The following SLC26A7 variants were observed in gnomAD, a reference collection of about 807,000 sequenced individuals.
The protein encoded by SLC26A7 is solute carrier family 26 member 7.
Under a neutral mutation model 82.5 loss-of-function variants are expected in SLC26A7, and 59 were observed. The ratio of observed to expected loss-of-function variants is 0.72; its 90% CI spans 0.58 to 0.89. SLC26A7 has a LOEUF of 0.89. SLC26A7 is among the 40% of genes least tolerant of loss of function. SLC26A7 has a pLI of 0.00. For missense variants in SLC26A7, 820 were observed against 793.0 expected, an observed-to-expected ratio of 1.03 and a Z score of -0.41; for synonymous variants, 271 against 274.3, an observed-to-expected ratio of 0.99 and a Z score of 0.12.
At chr8:91,361,081 A>G (rs1429432227) in intron 11 of SLC26A7, among the ~76,000 whole-genome samples, 1 of 152,100 alleles carries the variant, frequency 6.6e-6, no homozygotes, top group Non-Finnish European at 1.5e-5. Flanking sequence ...ATTCATTTAA[A>G]TTGTATTCTC....
chr8:91,395,262 C>CT lies in SLC26A7; in HGVS notation c.*173dup, dbSNP rs150688442. ...CATAGCAGTTGGAAAGAACTGCCAACTTTTTTTTCTCATTTTTGTTAGTAA... is the reference window on the plus strand; with the variant it reads ...CATAGCAGTTGGAAAGAACTGCCAACTTTTTTTTTCTCATTTTTGTTAGTAA... On this transcript the variant is annotated 3_prime_UTR_variant, in exon 19 of 19. Transcript: ENST00000276609. 25 of 1,387,136 alleles carry CT rather than the reference C, an allele frequency of 1.8e-5. No individual in the cohort carries two copies. Among genetic ancestry groups the CT allele is most frequent in the Middle Eastern group, 1.9e-4 (1 of 5,284 alleles). The allele number at this position is 1,387,136 out of a possible 1,614,324, so 85.9% of individuals were successfully genotyped here. A position where few individuals can be genotyped will look rare whatever the true frequency, so the allele number is the denominator to read the frequency against.
At position 91,293,053 on chromosome 8, in the gene SLC26A7, G is replaced by A. The variant is rs112452303; in HGVS notation, c.305-2478G>A. ...TTGAGACAGTGTTTTTTTAAAATATGAAATCTCATTTATTCTCTATCAAAA... is the reference window on the plus strand; with the variant it reads ...TTGAGACAGTGTTTTTTTAAAATATAAAATCTCATTTATTCTCTATCAAAA... On this transcript the variant is annotated intron_variant, in intron 3 of 18. Coordinates refer to ENST00000276609, the MANE Select transcript of SLC26A7 (RefSeq NM_052832.4). Among the ~76,000 whole-genome samples, 245 of 152,208 alleles carry A rather than the reference G, an allele frequency of 1.6e-3. 3 individuals carry two copies. Among genetic ancestry groups the A allele is most frequent in the African/African-American group, 5.8e-3 (241 of 41,544 alleles).
intron 2 of SLC26A7, among the ~76,000 whole-genome samples, chr8:91,253,795 T>C (rs1381585816): frequency 2.6e-5 from 4 of 152,126 alleles, no homozygotes; most frequent in Admixed American, 6.5e-5. Flanking sequence ...CTTTCCACAC[T>C]AGTCTGTAAG....
intron 4 of SLC26A7, among the ~76,000 whole-genome samples, chr8:91,310,628 A>G (rs577865296): frequency 8.5e-5 from 13 of 152,350 alleles, no homozygotes; most frequent in African/African-American, 3.1e-4. Context: ...ATTAAGGGGC[A>G]AAATGGCAGA....
chr8:91,227,350 A>C (rs966385082), intron 2 of SLC26A7, among the ~76,000 whole-genome samples: 2 of 152,238 alleles, frequency 1.3e-5, no homozygotes, highest in Non-Finnish European at 2.9e-5. Context: ...AAAAAAGAGA[A>C]ACTCAAGTTT....
intron 11 of SLC26A7, among the ~76,000 whole-genome samples, chr8:91,358,475 G>A (rs1168976317): frequency 1.3e-5 from 2 of 151,692 alleles, no homozygotes; most frequent in Non-Finnish European, 1.5e-5. Context: ...GACTACAGGT[G>A]CCCGCCACCA....
intron 2 of SLC26A7, among the ~76,000 whole-genome samples, chr8:91,276,254 AT>A (rs1811404197): frequency 6.6e-6 from 1 of 152,152 alleles, no homozygotes; most frequent in African/African-American, 2.4e-5. Flanking sequence ...AAGACATGCC[AT>A]TTTTTATTAG....
At chr8:91,378,763 G>A (rs1814589407) in intron 15 of SLC26A7, among the ~76,000 whole-genome samples, 1 of 151,630 alleles carries the variant, frequency 6.6e-6, no homozygotes, top group Admixed American at 6.6e-5. Context: ...ATACAGGCAG[G>A]TTTCTGTCCA....
intron 2 of SLC26A7, among the ~76,000 whole-genome samples, chr8:91,288,273 A>G (rs972824517): frequency 1.3e-5 from 2 of 152,316 alleles, no homozygotes; most frequent in African/African-American, 2.4e-5. Flanking sequence ...TGTAACATGT[A>G]AAGTCCTTTA....
intron 2 of SLC26A7, among the ~76,000 whole-genome samples, chr8:91,283,010 T>A (rs896942180): frequency 5.3e-5 from 8 of 152,190 alleles, no homozygotes; most frequent in Admixed American, 1.3e-4. Flanking sequence ...CCCCCTTTAT[T>A]GTTTAGTTAT....
At chr8:91,349,689 G>A (rs938610958) in intron 9 of SLC26A7, among the ~76,000 whole-genome samples, 2 of 152,050 alleles carry the variant, frequency 1.3e-5, no homozygotes, top group Non-Finnish European at 1.5e-5. Flanking sequence ...CCAAGTAATT[G>A]CAACTGCATG....
chr8:91,367,850 CACA>C (rs1485816215), intron 14 of SLC26A7, among the ~76,000 whole-genome samples: 1 of 152,140 alleles, frequency 6.6e-6, no homozygotes, highest in African/African-American at 2.4e-5. Context: ...CATTTAGGTA[CACA>C]GAAGATCTTG....
chr8:91,283,621 T>C (rs1189463007), intron 2 of SLC26A7, among the ~76,000 whole-genome samples: 1 of 152,202 alleles, frequency 6.6e-6, no homozygotes, highest in East Asian at 1.9e-4. Flanking sequence ...GCCTTTATTC[T>C]TTGGGATGAG....
At chr8:91,210,944 G>T (rs1809902689) in intron 1 of SLC26A7, among the ~76,000 whole-genome samples, 1 of 151,974 alleles carries the variant, frequency 6.6e-6, no homozygotes, top group African/African-American at 2.4e-5. Flanking sequence ...GACACATTTT[G>T]GTAAAACTAT....
At chr8:91,234,827 A>ACCTACCTCCTTC (rs1386380375) in intron 2 of SLC26A7, among the ~76,000 whole-genome samples, 1 of 92,492 alleles carries the variant, frequency 1.1e-5, no homozygotes, top group African/African-American at 4.5e-5. Context: ...CTACCTACCT[A>ACCTACCTCCTTC]CTTCCTTCCT....
At chr8:91,282,343 T>C (rs1811596536) in intron 2 of SLC26A7, among the ~76,000 whole-genome samples, 1 of 152,142 alleles carries the variant, frequency 6.6e-6, no homozygotes, top group Non-Finnish European at 1.5e-5. Flanking sequence ...AGTTCTTCTC[T>C]AGAGCCACAG....
At chr8:91,220,795 T>C (rs956648905) in intron 2 of SLC26A7, among the ~76,000 whole-genome samples, 4 of 152,186 alleles carry the variant, frequency 2.6e-5, no homozygotes, top group African/African-American at 9.7e-5. Context: ...CTATTGTAAA[T>C]AGTGCTACAA....
At chr8:91,316,101 G>A (rs1812622717) in intron 4 of SLC26A7, among the ~76,000 whole-genome samples, 1 of 151,990 alleles carries the variant, frequency 6.6e-6, no homozygotes. Flanking sequence ...TTGGCCAAGG[G>A]GTTATTGTAT....
chr8:91,326,051 A>T (rs1269392122), intron 5 of SLC26A7, among the ~76,000 whole-genome samples: 1 of 152,168 alleles, frequency 6.6e-6, no homozygotes, highest in African/African-American at 2.4e-5. Context: ...ACTATGCCTG[A>T]TTGATCTTTG....
Sources: allele counts gnomAD v4.1 joint callset (sites outside exome capture counted in the v4.1 genomes callset), GRCh38; gene constraint gnomAD v4.1.1; transcripts MANE v1.5; gene names NCBI Gene and HGNC (gene_info 2026-07-23, HGNC 2026-07-21).